GABRG3: variants seen among roughly 807,000 people sequenced by gnomAD.
GABRG3 encodes gamma-aminobutyric acid type A receptor subunit gamma3, also known as gamma-aminobutyric acid receptor subunit gamma-3.
A neutral mutation model predicts 48.8 loss-of-function variants in GABRG3; 25 were observed. The observed-to-expected ratio is 0.51, with a 90% CI of 0.37 to 0.72. GABRG3 has a LOEUF of 0.72. Ranked by LOEUF, GABRG3 falls within the 30% of genes least tolerant of loss-of-function variation. The pLI, the probability that GABRG3 is intolerant of heterozygous loss-of-function variation, is 0.00. For synonymous variants in GABRG3, 227 were observed against 217.6 expected (o/e 1.04, Z -0.38); for missense variants, 394 against 577.9 (o/e 0.68, Z 3.26).
At chr15:27,456,490 C>T (rs368352061) in intron 5 of GABRG3, among the ~76,000 whole-genome samples, 33 of 152,300 alleles carry the variant, frequency 2.2e-4, no homozygotes, top group South Asian at 1.9e-3. Flanking sequence ...GGGAAGGACC[C>T]GCAGAGGGAC....
At chr15:27,484,768 G>A (rs764144875) in intron 6 of GABRG3, among the ~76,000 whole-genome samples, 2 of 152,070 alleles carry the variant, frequency 1.3e-5, no homozygotes, top group Non-Finnish European at 2.9e-5. Flanking sequence ...AAATCATGGG[G>A]CTATATCAAC....
Position 27,328,752 on chromosome 15 carries a change from C to A in GABRG3, c.492-54C>A, listed in dbSNP as rs113958075. ...CCACATGGGGTGCCGTAACGGCCGC[C>A]GGCCTTGCCCTGTGCTGTGTGCTGA... On this transcript the variant is annotated intron_variant, in intron 4 of 9. Transcript: ENST00000615808. 1,982 of 1,521,810 alleles carry A rather than the reference C, an allele frequency of 1.3e-3. 29 individuals carry two copies. In the African/African-American group the frequency reaches 0.024, roughly 19 times the overall value. The allele number at this position is 1,521,810 out of a possible 1,614,324, so 94.3% of individuals were successfully genotyped here.
intron 5 of GABRG3, among the ~76,000 whole-genome samples, chr15:27,358,874 C>T (rs1192448468): frequency 6.6e-6 from 1 of 152,198 alleles, no homozygotes; most frequent in Non-Finnish European, 1.5e-5. Flanking sequence ...TTTGAGCACC[C>T]TGAAGCTCCG....
intron 5 of GABRG3, among the ~76,000 whole-genome samples, chr15:27,424,143 C>T (rs1025384418): frequency 6.6e-6 from 1 of 152,016 alleles, no homozygotes; most frequent in African/African-American, 2.4e-5. Context: ...CTTTGCTTAC[C>T]TGGGGTCCCT....
intron 7 of GABRG3, among the ~76,000 whole-genome samples, chr15:27,524,460 A>G (rs567092083): frequency 1.3e-5 from 2 of 152,278 alleles, no homozygotes; most frequent in African/African-American, 4.8e-5. Flanking sequence ...AATATGGGCA[A>G]GTAAAATGGA....
rs113595055 is a variant in GABRG3, at chr15:27,271,366, T to A, written c.271-55443T>A. On this transcript the variant is annotated intron_variant, in intron 3 of 9. Coordinates refer to ENST00000615808, the MANE Select transcript of GABRG3 (RefSeq NM_033223.5). ...GCCTCTCGCTGCCACCCGCACTCTG[T>A]CCTCCTCGTGCTCACTGCTTTCCAC... 9.3e-3 allele frequency among the ~76,000 whole-genome samples: 1,420 copies of A among 152,298 alleles called. 21 individuals carry two copies. The highest frequency in any genetic ancestry group is 0.032 in the African/African-American group (1,343 of 41,560).
chr15:27,318,629 G>A (rs1026413476), intron 3 of GABRG3, among the ~76,000 whole-genome samples: 3 of 152,158 alleles, frequency 2.0e-5, no homozygotes, highest in African/African-American at 7.2e-5. Context: ...TGCATTTACT[G>A]TTGTTTTGTT....
At chr15:27,136,820 A>G (rs1290658968) in intron 3 of GABRG3, among the ~76,000 whole-genome samples, 2 of 152,136 alleles carry the variant, frequency 1.3e-5, no homozygotes, top group Non-Finnish European at 2.9e-5. Context: ...GAATGCTCCC[A>G]GGGAGCCCAC....
chr15:27,070,824 T>C (rs1896814640), intron 3 of GABRG3, among the ~76,000 whole-genome samples: 1 of 152,198 alleles, frequency 6.6e-6, no homozygotes, highest in South Asian at 2.1e-4. Flanking sequence ...TCACATCTTA[T>C]TCTGAATTTA....
At chr15:27,262,994 C>T (rs868187704) in intron 3 of GABRG3, among the ~76,000 whole-genome samples, 36 of 152,228 alleles carry the variant, frequency 2.4e-4, no homozygotes, top group African/African-American at 7.9e-4. Flanking sequence ...TTGAATCAAC[C>T]GGACTCTCAT....
intron 3 of GABRG3, among the ~76,000 whole-genome samples, chr15:27,261,654 T>C (rs970790733): frequency 6.6e-6 from 1 of 152,030 alleles, no homozygotes; most frequent in Non-Finnish European, 1.5e-5. Flanking sequence ...AAACTGACAT[T>C]TTTGTTGACA....
At chr15:27,422,897 A>G (rs1888169224) in intron 5 of GABRG3, among the ~76,000 whole-genome samples, 1 of 152,160 alleles carries the variant, frequency 6.6e-6, no homozygotes, top group Admixed American at 6.5e-5. Context: ...ACAGAGCAAG[A>G]GCAACTGGGA....
chr15:27,084,730 G>A (rs554000174), intron 3 of GABRG3, among the ~76,000 whole-genome samples: 2 of 152,250 alleles, frequency 1.3e-5, no homozygotes, highest in Non-Finnish European at 2.9e-5. Flanking sequence ...ACATGGAACA[G>A]ACTCTACGCT....
chr15:27,201,723 T>G (rs1223866834), intron 3 of GABRG3, among the ~76,000 whole-genome samples: 1 of 152,178 alleles, frequency 6.6e-6, no homozygotes, highest in Non-Finnish European at 1.5e-5. Flanking sequence ...TTTATTCCCC[T>G]TTTAGTGCTG....
chr15:27,017,477 G>T (rs2140672452), intron 2 of GABRG3, among the ~76,000 whole-genome samples: 1 of 152,226 alleles, frequency 6.6e-6, no homozygotes, highest in African/African-American at 2.4e-5. Context: ...CCTGTTCATT[G>T]CCTCTGTTGT....
At chr15:27,224,261 T>G (rs937666661) in intron 3 of GABRG3, among the ~76,000 whole-genome samples, 2 of 152,202 alleles carry the variant, frequency 1.3e-5, no homozygotes, top group Admixed American at 1.3e-4. Flanking sequence ...AAGGAAAAGA[T>G]CATGTTTTCA....
At chr15:27,033,532 G>C (rs1392981634) in intron 3 of GABRG3, among the ~76,000 whole-genome samples, 1 of 152,114 alleles carries the variant, frequency 6.6e-6, no homozygotes, top group Admixed American at 6.5e-5. Flanking sequence ...ACTGCCTTCA[G>C]GTTAGCGAAT....
chr15:27,427,868 A>G (rs1318383402), intron 5 of GABRG3, among the ~76,000 whole-genome samples: 1 of 151,858 alleles, frequency 6.6e-6, no homozygotes, highest in Non-Finnish European at 1.5e-5. Flanking sequence ...ACTTCTCTGC[A>G]ATTTTATGTA....
intron 3 of GABRG3, among the ~76,000 whole-genome samples, chr15:27,309,832 G>GA (rs1166237913): frequency 6.6e-6 from 1 of 151,918 alleles, no homozygotes; most frequent in Non-Finnish European, 1.5e-5. Context: ...CTAGAGAGAT[G>GA]AAAAATTTAT....
Sources: allele counts gnomAD v4.1 joint callset (sites outside exome capture counted in the v4.1 genomes callset), GRCh38; gene constraint gnomAD v4.1.1; transcripts MANE v1.5; gene names NCBI Gene and HGNC (gene_info 2026-07-23, HGNC 2026-07-21).